The following PODNL1 variants were observed in gnomAD, a reference collection of about 807,000 sequenced individuals.
PODNL1 encodes the protein podocan like 1, also known as podocan-like protein 1.
PODNL1 carries 50 observed loss-of-function variants against 45.1 expected under a neutral mutation model. The ratio of observed to expected loss-of-function variants is 1.11; its 90% CI spans 0.88 to 1.40. The LOEUF (loss-of-function observed/expected upper bound fraction) is 1.40, where lower values mean the gene tolerates loss of function less well. Ranked by LOEUF, PODNL1 falls within the 40% of genes most tolerant of loss-of-function variation. The pLI, the probability that PODNL1 is intolerant of heterozygous loss-of-function variation, is 0.00. For missense variants in PODNL1, 788 were observed against 793.3 expected (o/e 0.99, Z 0.08); for synonymous variants, 406 against 372.5 (o/e 1.09, Z -1.04).
chr19:13,950,117 C>T (rs1017547243), intron 1 of PODNL1, among the ~76,000 whole-genome samples: 2 of 152,046 alleles, frequency 1.3e-5, no homozygotes, highest in African/African-American at 2.4e-5. Flanking sequence ...ATCTGCCCAC[C>T]TCAGCCTCCC....
chr19:13,934,611 T>G (rs532651265), intron 5 of PODNL1, among the ~76,000 whole-genome samples: 1 of 151,972 alleles, frequency 6.6e-6, no homozygotes, highest in South Asian at 2.1e-4. Flanking sequence ...TGAGTGTGCA[T>G]GTGTGTTGTA....
At chr19:13,951,076 G>T (rs1599455110) in intron 1 of PODNL1, among the ~76,000 whole-genome samples, 2 of 146,054 alleles carry the variant, frequency 1.4e-5, no homozygotes, top group East Asian at 2.0e-4. Flanking sequence ...AAAAAGATAT[G>T]TTGTGATATT....
chr19:13,951,481 CA>C (rs1973027968), intron 1 of PODNL1, among the ~76,000 whole-genome samples: 1 of 151,844 alleles, frequency 6.6e-6, no homozygotes, highest in African/African-American at 2.4e-5. Context: ...ACAAAAAATA[CA>C]AAAAATTAGG....
intron 5 of PODNL1, 92 bp downstream of exon 5, chr19:13,935,629 G>A (rs1972289932): frequency 1.0e-6 from 1 of 1,004,072 alleles, no homozygotes; most frequent in African/African-American, 1.7e-5. Context: ...ACCCGGCCGA[G>A]GGCAAGGTCT....
chr19:13,948,415 G>T (rs1972894611), intron 1 of PODNL1, among the ~76,000 whole-genome samples: 1 of 142,328 alleles, frequency 7.0e-6, no homozygotes, highest in Non-Finnish European at 1.5e-5. Context: ...GTTTCACCAT[G>T]TTTAGCCAGG....
intron 1 of PODNL1, chr19:13,952,535 A>T (rs1396443327): frequency 8.0e-7 from 1 of 1,250,584 alleles, no homozygotes; most frequent in African/African-American, 1.6e-5. Context: ...TCGAAATCGG[A>T]GCGGAACAGC....
intron 1 of PODNL1, among the ~76,000 whole-genome samples, chr19:13,950,717 G>A (rs763674654): frequency 6.6e-6 from 1 of 152,096 alleles, no homozygotes; most frequent in Non-Finnish European, 1.5e-5. Flanking sequence ...ATGGACGTAG[G>A]GTATGCAAGA....
At position 13,932,314 on chromosome 19, in the gene PODNL1, C is replaced by T. The variant is rs556830206; in HGVS notation, c.1426-202G>A. On this transcript the variant is annotated intron_variant, in intron 8 of 9. Coordinates refer to ENST00000588872, the MANE Select transcript of PODNL1 (RefSeq NM_001370095.3). Reference sequence around the variant, plus strand: ...CCCAGGAAGGCACAGACAGACAGGTCCCCACTTGATTAAATGAGTCAGTCA... The same window carrying T: ...CCCAGGAAGGCACAGACAGACAGGTTCCCACTTGATTAAATGAGTCAGTCA... 2.1e-5 allele frequency: 12 copies of T among 570,246 alleles called. No individual in the cohort carries two copies. The South Asian group carries it at 9.5e-4, about 45-fold the overall frequency. 35.3% of individuals were successfully genotyped at this position (570,246 alleles called of 1,614,324 possible).
Position 13,937,896 on chromosome 19 carries a change from G to A in PODNL1, c.114C>T (p.Ala38=), listed in dbSNP as rs1373893335. The change falls in exon 2 of 10, where the codon GCC becomes GCT. Residue 38 remains alanine, a synonymous_variant. Transcript: ENST00000588872. ...LGESLQPLPR[A]CPLRCSCPRV... ...GGGGGCAGGAGCAGCGCAGGGGACA[G>A]GCCCGGGGCAGGGGCTGCAAGCTCT... 2.5e-6 allele frequency: 4 copies of A among 1,572,838 alleles called. No homozygotes were observed. The highest frequency in any genetic ancestry group is 1.2e-5 in the South Asian group (1 of 85,840).
At chr19:13,952,537 C>G in intron 1 of PODNL1, 1 of 1,251,346 alleles carries the variant, frequency 8.0e-7, no homozygotes, top group Non-Finnish European at 1.0e-6. Flanking sequence ...GAAATCGGAG[C>G]GGAACAGCGG....
chr19:13,941,629 G>A (rs770634566), upstream of PODNL1, among the ~76,000 whole-genome samples: 9 of 152,100 alleles, frequency 5.9e-5, no homozygotes, highest in Admixed American at 2.0e-4. Context: ...TGGCCAACAA[G>A]GTGAAACCCC....
chr19:13,950,140 T>A (rs1421658563), intron 1 of PODNL1, among the ~76,000 whole-genome samples: 1 of 151,746 alleles, frequency 6.6e-6, no homozygotes, highest in Non-Finnish European at 1.5e-5. Flanking sequence ...AGTGCTGGGA[T>A]TACAGTCGTG....
upstream of PODNL1, chr19:13,938,514 G>T (rs1358395800): frequency 9.5e-6 from 11 of 1,159,030 alleles, no homozygotes; most frequent in Non-Finnish European, 1.2e-5. Context: ...TTGGGGAAAA[G>T]CTGAGATTCG....
chr19:13,935,404 G>A (rs1353844336), intron 5 of PODNL1, among the ~76,000 whole-genome samples: 1 of 152,126 alleles, frequency 6.6e-6, no homozygotes, highest in Non-Finnish European at 1.5e-5. Context: ...TCGTCTCACT[G>A]CAAACTCCAC....
At chr19:13,948,006 C>G (rs1172162645) in intron 1 of PODNL1, among the ~76,000 whole-genome samples, 1 of 151,944 alleles carries the variant, frequency 6.6e-6, no homozygotes. Flanking sequence ...AGTACAGGCT[C>G]AGGCCCTCAT....
At position 13,934,472 on chromosome 19, in the gene PODNL1, A is replaced by G. The variant is rs1488359234; in HGVS notation, c.495-62T>C. On this transcript the variant is annotated intron_variant, in intron 5 of 9. Coordinates refer to ENST00000588872, the MANE Select transcript of PODNL1 (RefSeq NM_001370095.3). ...TCGCCTCCTACCACCCCACTCCCGC[A>G]CCACACCCTGCTCAGGGTCGCCTTC... 22 of 1,422,694 alleles carry G rather than the reference A, an allele frequency of 1.5e-5. No individual in the cohort carries two copies. In the Admixed American group the frequency reaches 6.6e-4, roughly 43 times the overall value. The allele number at this position is 1,422,694 out of a possible 1,614,324, so 88.1% of individuals were successfully genotyped here. A position where few individuals can be genotyped will look rare whatever the true frequency, so the allele number is the denominator to read the frequency against.
At chr19:13,953,176 C>T in exon 1 of PODNL1, 1 of 1,514,506 alleles carries the variant, frequency 6.6e-7, no homozygotes, top group Non-Finnish European at 8.9e-7. Context: ...TGAGTCTTCC[C>T]CCGCAGAGTG....
upstream of PODNL1, among the ~76,000 whole-genome samples, chr19:13,941,979 G>A (rs1187608541): frequency 6.6e-6 from 1 of 152,104 alleles, no homozygotes; most frequent in Non-Finnish European, 1.5e-5. Flanking sequence ...ACTCCCCATG[G>A]GATGGATGGC....
chr19:13,945,513 G>A (rs1003278324), intron 1 of PODNL1, among the ~76,000 whole-genome samples: 1 of 151,238 alleles, frequency 6.6e-6, no homozygotes, highest in African/African-American at 2.4e-5. Context: ...TTGAAATGGA[G>A]TCTCACTCTG....
Sources: gnomAD v4.1 joint callset for allele counts (sites outside exome capture counted in the v4.1 genomes callset) on GRCh38, gnomAD v4.1.1 for gene constraint, MANE v1.5 for transcripts, NCBI Gene and HGNC (gene_info 2026-07-23, HGNC 2026-07-21) for gene names.